DHODH: variants seen among roughly 807,000 people sequenced by gnomAD.
DHODH encodes the protein dihydroorotate dehydrogenase (quinone), also known as dihydroorotate dehydrogenase (quinone), mitochondrial.
DHODH carries 30 observed loss-of-function variants against 39.7 expected under a neutral mutation model. That is an observed-to-expected ratio of 0.76 (90% CI 0.57 to 1.02). The LOEUF is 1.02. Ranked by LOEUF, DHODH falls within the 50% of genes least tolerant of loss-of-function variation. The probability of loss-of-function intolerance (pLI) is 0.00; values close to 1 mark genes in which losing one functional copy is unlikely to be tolerated. For missense variants in DHODH, 531 were observed against 520.8 expected (o/e 1.02, Z -0.19); for synonymous variants, 222 against 213.8 (o/e 1.04, Z -0.34).
chr16:72,017,213 A>C, intron 4 of DHODH, 107 bp downstream of exon 4: 1 of 1,181,906 alleles, frequency 8.5e-7, no homozygotes, highest in Middle Eastern at 1.9e-4. Flanking sequence ...CAATAGCAAA[A>C]ACCACTGAGG....
intron 6 of DHODH, among the ~76,000 whole-genome samples, 169 bp from the exon 7 acceptor site, chr16:72,022,996 A>G (rs927745030): frequency 2.6e-5 from 4 of 152,180 alleles, no homozygotes; most frequent in Admixed American, 6.5e-5. Flanking sequence ...GTTATGGCTC[A>G]TTCTAAAACT....
chr16:72,008,746 G>C lies in DHODH; in HGVS notation c.-19G>C, dbSNP rs1043318811. 20 of 1,551,622 alleles carry C rather than the reference G, an allele frequency of 1.3e-5. No individual in the cohort carries two copies. The highest frequency in any genetic ancestry group is 1.7e-5 in the Non-Finnish European group (20 of 1,146,978). ...TCCAATGGAAGGGAGACAGGGGCGG[G>C]CTTAATGACGGAAGGAGCATGGCGT... is the stretch of plus-strand genomic sequence containing the variant. On this transcript the variant is annotated 5_prime_UTR_variant, in exon 1 of 9. Transcript: ENST00000219240.
Position 72,012,058 on chromosome 16 carries a change from C to G in DHODH, c.30C>G (p.Ala10=). The G allele has an allele frequency of 6.2e-7, 1 of 1,614,062 alleles. No individual in the cohort carries two copies. Among genetic ancestry groups the G allele is most frequent in the Non-Finnish European group, 8.5e-7 (1 of 1,179,986 alleles). Residue 10 remains alanine, a synonymous_variant, in exon 2 of 9, where the codon GCC becomes GCG. Coordinates refer to ENST00000219240, the MANE Select transcript of DHODH (RefSeq NM_001361.5). MAWRHLKKR[A]QDAVIILGGG... ...TATGCTCTTTTTTGCAGAAGCGGGC[C>G]CAGGATGCTGTGATCATCCTGGGGG...
chr16:72,022,231 C>A, intron 5 of DHODH, 131 bp from the exon 6 acceptor site: 1 of 715,930 alleles, frequency 1.4e-6, no homozygotes, highest in Middle Eastern at 3.7e-4. Flanking sequence ...GGCTGGCTTT[C>A]CTGAAAAGAA....
intron 5 of DHODH, 151 bp from the exon 6 acceptor site, chr16:72,022,211 C>A: frequency 1.5e-6 from 1 of 657,370 alleles, no homozygotes; most frequent in Non-Finnish European, 2.8e-6. Context: ...CTGTACTCCT[C>A]ACGTCTGAGG....
At chr16:72,023,137 A>T in intron 6 of DHODH, 28 bp from the exon 7 acceptor site, 1 of 1,613,770 alleles carries the variant, frequency 6.2e-7, no homozygotes, top group Non-Finnish European at 8.5e-7. Context: ...GCTATGACTC[A>T]TGGCTTTTTC....
In DHODH at chr16:72,012,302, G is replaced by A. The variant is rs113393105; in HGVS notation, c.234+40G>A. 4,836 of 1,579,774 alleles carry A rather than the reference G, an allele frequency of 3.1e-3. 107 individuals carry two copies. The African/African-American group carries it at 0.05, about 16-fold the overall frequency. On this transcript the variant is annotated intron_variant, in intron 2 of 8. Coordinates refer to ENST00000219240, the MANE Select transcript of DHODH (RefSeq NM_001361.5). ...CACCCTATACATTAAATACAAAGGC[G>A]AAGGCTGCAGTCCCCTAAACTTCTC...
chr16:72,014,374 G>A lies in DHODH; in HGVS notation c.235-99G>A, dbSNP rs62055631. ...GGCCCTGGGATCTGAGGTTTCACAA[G>A]CTTCCCAGGTCATTCTGATGTAGCT... On this transcript the variant is annotated intron_variant, in intron 2 of 8. Coordinates refer to ENST00000219240, the MANE Select transcript of DHODH (RefSeq NM_001361.5). 5.6e-6 allele frequency: 7 copies of A among 1,245,772 alleles called. No individual in the cohort carries two copies. In the Admixed American group the frequency reaches 9.0e-5, roughly 16 times the overall value. 77.2% of individuals were successfully genotyped at this position (1,245,772 alleles called of 1,614,324 possible).
In DHODH at chr16:72,025,832, G is replaced by T. The variant is rs1479631547; in HGVS notation, c.*1633G>T. On this transcript the variant is annotated 3_prime_UTR_variant, in exon 9 of 9. Transcript: ENST00000219240. ...TCATGTCCACTGAACACTGACTGTG[G>T]GCTGGATGCTGTGCCAAGGGCTTGA... 1 of 152,298 alleles carries T rather than the reference G, an allele frequency of 6.6e-6. No individual in the cohort carries two copies. Among genetic ancestry groups the T allele is most frequent in the East Asian group, 1.9e-4 (1 of 5,194 alleles). 9.4% of individuals were successfully genotyped at this position (152,298 alleles called of 1,614,324 possible).
chr16:72,011,161 A>G (rs1340063192), intron 1 of DHODH, among the ~76,000 whole-genome samples: 4 of 152,202 alleles, frequency 2.6e-5, no homozygotes, highest in Non-Finnish European at 5.9e-5. Context: ...CCCTAGTGAG[A>G]TAGTTGTGTT....
At position 72,022,390 on chromosome 16, in the gene DHODH, G is replaced by C. The variant is rs1567573848; in HGVS notation, c.734G>C (p.Arg245Thr). The C allele has an allele frequency of 1.3e-6, 2 of 1,555,756 alleles. No individual in the cohort carries two copies. The change falls in exon 6 of 9, where the codon AGA becomes ACA. Residue 245 changes from arginine (R) to threonine (T), a missense_variant. Transcript: ENST00000219240. The part of the protein sequence containing the change: ...KVLQERDGLR[R>T]VHRPAVLVKI... ...CTGCAGGAGAGGGATGGCTTGCGGA[G>C]AGTGCACAGGCCGGCAGTCCTGGTG...
chr16:72,009,340 A>G (rs1475773671), intron 1 of DHODH, among the ~76,000 whole-genome samples: 2 of 149,146 alleles, frequency 1.3e-5, no homozygotes, highest in African/African-American at 2.5e-5. Context: ...CGTCTCTACT[A>G]AAAATACAAA....
intron 2 of DHODH, 129 bp downstream of exon 2, chr16:72,012,391 C>T: frequency 3.9e-6 from 3 of 767,000 alleles, no homozygotes; most frequent in Non-Finnish European, 6.7e-6. Flanking sequence ...GGAATTCAGT[C>T]TGAGCATTAT....
At position 72,020,329 on chromosome 16, in the gene DHODH, G is replaced by GTATATATATA. The variant is rs60652629; in HGVS notation, c.518-779_518-770dup. 5.7e-3 allele frequency: 579 copies of GTATATATATA among 101,886 alleles called. 14 individuals are homozygous for GTATATATATA. Among genetic ancestry groups the GTATATATATA allele is most frequent in the African/African-American group, 0.025 (547 of 21,944 alleles). The allele number at this position is 101,886 out of a possible 1,614,324, so 6.3% of individuals were successfully genotyped here. A position where few individuals can be genotyped will look rare whatever the true frequency, so the allele number is the denominator to read the frequency against. On this transcript the variant is annotated intron_variant, in intron 4 of 8. Coordinates refer to ENST00000219240, the MANE Select transcript of DHODH (RefSeq NM_001361.5). ...TATATATATGTGTATATGTATATGTGTATATATATATATATATATATATAT... is the reference window on the plus strand; with the variant it reads ...TATATATATGTGTATATGTATATGTGTATATATATATATATATATATATATATATATATAT...
chr16:72,023,442 T>G, intron 7 of DHODH, 32 bp from the exon 8 acceptor site: 1 of 1,614,206 alleles, frequency 6.2e-7, no homozygotes, highest in Non-Finnish European at 8.5e-7. Flanking sequence ...GCCACATCCT[T>G]CTTTATGGTG....
chr16:72,021,767 C>T (rs1263331704), intron 5 of DHODH, among the ~76,000 whole-genome samples: 2 of 152,162 alleles, frequency 1.3e-5, no homozygotes, highest in Non-Finnish European at 1.5e-5. Context: ...AATTTGAGAC[C>T]AGCCTGGGCA....
chr16:72,015,256 C>CT (rs1482726909), intron 3 of DHODH, among the ~76,000 whole-genome samples: 1 of 152,244 alleles, frequency 6.6e-6, no homozygotes, highest in African/African-American at 2.4e-5. Context: ...GTGCATTTTA[C>CT]TTCCAGCACC....
Position 72,017,046 on chromosome 16 carries a change from C to G in DHODH, c.457C>G (p.Leu153Val). The G allele has an allele frequency of 6.2e-7, 1 of 1,614,000 alleles. No homozygotes were observed. The highest frequency in any genetic ancestry group is 8.5e-7 in the Non-Finnish European group (1 of 1,179,976). ...INRYGFNSHGLSVVEHRLRAR... is the reference protein window; with the variant it reads ...INRYGFNSHGVSVVEHRLRAR... Reference sequence around the variant, plus strand: ...CAGGTATGGATTTAACAGTCACGGGCTTTCAGTGGTGGAACACAGGTTACG... The same window carrying G: ...CAGGTATGGATTTAACAGTCACGGGGTTTCAGTGGTGGAACACAGGTTACG... The change falls in exon 4 of 9, where the codon CTT (leucine) becomes GTT (valine). Residue 153 changes from leucine (L) to valine (V), a missense_variant. Coordinates refer to ENST00000219240, the MANE Select transcript of DHODH (RefSeq NM_001361.5).
In DHODH at chr16:72,023,190, C is replaced by G. The variant is rs770337889; in HGVS notation, c.845C>G (p.Thr282Arg). ...KELGIDGLIV[T>R]NTTVSRPAGL... ...TTGGGCATCGATGGGCTGATTGTTACGAACACCACCGTGAGTCGCCCTGCG... is the reference window on the plus strand; with the variant it reads ...TTGGGCATCGATGGGCTGATTGTTAGGAACACCACCGTGAGTCGCCCTGCG... The change falls in exon 7 of 9, where the codon ACG becomes AGG. Residue 282 changes from threonine (T) to arginine (R), a missense_variant. Transcript: ENST00000219240. 1 of 1,614,178 alleles carries G rather than the reference C, an allele frequency of 6.2e-7. No homozygotes were observed. Among genetic ancestry groups the G allele is most frequent in the Admixed American group, 1.7e-5 (1 of 60,020 alleles).
Sources: gnomAD v4.1 joint callset for allele counts (sites outside exome capture counted in the v4.1 genomes callset) on GRCh38, gnomAD v4.1.1 for gene constraint, MANE v1.5 for transcripts, NCBI Gene and HGNC (gene_info 2026-07-23, HGNC 2026-07-21) for gene names.